The following CEP350 variants were observed in gnomAD, a reference collection of about 807,000 sequenced individuals.
The protein encoded by CEP350 is centrosomal protein 350.
CEP350 carries 126 observed loss-of-function variants against 331.8 expected under a neutral mutation model. The observed-to-expected ratio is 0.38, with a 90% CI of 0.33 to 0.44. The LOEUF is 0.44. Ranked by LOEUF, CEP350 falls within the 20% of genes least tolerant of loss-of-function variation. The pLI is 1.00. For missense variants in CEP350, 3,406 were observed against 3,634.6 expected, an observed-to-expected ratio of 0.94 and a Z score of 1.62; for synonymous variants, 1,200 against 1,259.5, an observed-to-expected ratio of 0.95 and a Z score of 1.00.
At position 180,078,644 on chromosome 1, in the gene CEP350, A is replaced by G. The variant is rs780126570; in HGVS notation, c.5949A>G (p.Glu1983=). 6.2e-5 allele frequency: 100 copies of G among 1,609,930 alleles called. 2 individuals carry two copies. The South Asian group carries it at 1.1e-3, about 17-fold the overall frequency. The change falls in exon 29 of 38, where the codon GAA becomes GAG. Residue 1983 remains glutamate, a synonymous_variant. Coordinates refer to ENST00000367607, the MANE Select transcript of CEP350 (RefSeq NM_014810.5). ...ILTEEMICSQ[E]LESSTSPSKH... The stretch of plus-strand genomic sequence containing the variant: ...CTGAAGAAATGATTTGTTCACAGGA[A>G]CTAGAATCTTCTACCTCTCCTAGTA...
chr1:179,964,473 G>C (rs578181385), intron 1 of CEP350, among the ~76,000 whole-genome samples: 4 of 151,910 alleles, frequency 2.6e-5, no homozygotes, highest in Non-Finnish European at 4.4e-5. Flanking sequence ...TTCTTTGTTT[G>C]TCTGGTATAA....
At position 180,110,997 on chromosome 1, in the gene CEP350, G is replaced by C. The variant is rs752719199; in HGVS notation, c.9190G>C (p.Val3064Leu). ...AACCTTATTGTCTTCTAAATCCTAG[G>C]TTCAGGAGCTCCATGAGGAGGAGGC... ...KKRDRVDHIL[V>L]QELHEEEAQW... is the part of the protein sequence containing the mutation. Residue 3064 changes from valine to leucine, a missense_variant and splice_region_variant, in exon 38 of 38, where the codon GTT (valine) becomes CTT (leucine). Physicochemically the swap from Val to Leu is conservative, Grantham distance 32 (BLOSUM62 1). Transcript: ENST00000367607. The C allele has an allele frequency of 2.4e-5, 38 of 1,613,420 alleles. No individual in the cohort carries two copies. The highest frequency in any genetic ancestry group is 2.7e-5 in the Non-Finnish European group (32 of 1,179,582).
At chr1:180,110,721 C>T (rs937788491) in intron 37 of CEP350, among the ~76,000 whole-genome samples, 2 of 152,136 alleles carry the variant, frequency 1.3e-5, no homozygotes, top group East Asian at 1.9e-4. Flanking sequence ...TATTCCCTTA[C>T]GTTGACATTG....
At chr1:180,047,854 G>A (rs549629276) in intron 21 of CEP350, among the ~76,000 whole-genome samples, 7 of 151,162 alleles carry the variant, frequency 4.6e-5, no homozygotes, top group African/African-American at 1.5e-4. Flanking sequence ...AAAGAAACAA[G>A]GAAAGCTTGT....
intron 19 of CEP350, 53 bp from the exon 20 acceptor site, chr1:180,043,003 C>T: frequency 6.4e-7 from 1 of 1,567,758 alleles, no homozygotes; most frequent in African/African-American, 1.4e-5. Flanking sequence ...CTTCTCAGTT[C>T]TCTGACCTTA....
chr1:180,039,061 A>G (rs145596949), intron 17 of CEP350, among the ~76,000 whole-genome samples: 273 of 150,694 alleles, frequency 1.8e-3, no homozygotes, highest in South Asian at 5.5e-3. Context: ...TACTATGAAT[A>G]CAAAAATTAG....
At chr1:180,058,565 AGGAGGAAGAGATTGGCAT>A (rs1489848328) in intron 25 of CEP350, among the ~76,000 whole-genome samples, 1 of 152,204 alleles carries the variant, frequency 6.6e-6, no homozygotes, top group African/African-American at 2.4e-5. Flanking sequence ...GAAGAGAGGA[AGGAGGAAGAGATTGGCAT>A]GGAGTTTGGT....
chr1:180,028,804 A>G (rs1164464230), intron 14 of CEP350, among the ~76,000 whole-genome samples: 1 of 151,030 alleles, frequency 6.6e-6, no homozygotes, highest in East Asian at 1.9e-4. Flanking sequence ...ACCTGTCTCA[A>G]AAAAAAAGAA....
intron 30 of CEP350, 43 bp from the exon 31 acceptor site, chr1:180,083,972 ATTC>A (rs1659713206): frequency 9.5e-7 from 1 of 1,051,112 alleles, no homozygotes; most frequent in Non-Finnish European, 1.3e-6. Flanking sequence ...AGTTAACATT[ATTC>A]TTAAGTCAAA....
Position 180,014,158 on chromosome 1 carries a change from G to T in CEP350, c.1705G>T (p.Val569Leu). The change falls in exon 10 of 38, where the codon GTA becomes TTA. Residue 569 changes from valine (V) to leucine (L), a missense_variant. Around this residue, in one of 5 missense-constraint regions of CEP350, gnomAD observed 1,857 missense variants for 1,909.2 expected, o/e 0.97. Coordinates refer to ENST00000367607, the MANE Select transcript of CEP350 (RefSeq NM_014810.5). ...ACATGCTCCTAGGAGTCACAGCCCA[G>T]TAAAAAGAAAACCTGACAAAATAAC... is the stretch of plus-strand genomic sequence containing the variant. ...PVHAPRSHSP[V>L]KRKPDKITAN... is the part of the protein sequence containing the mutation. The T allele has an allele frequency of 1.2e-6, 2 of 1,608,310 alleles. No homozygotes were observed. The highest frequency in any genetic ancestry group is 1.7e-6 in the Non-Finnish European group (2 of 1,177,302).
intron 16 of CEP350, among the ~76,000 whole-genome samples, chr1:180,036,639 T>C (rs1015687846): frequency 3.3e-5 from 5 of 152,236 alleles, no homozygotes; most frequent in African/African-American, 4.8e-5. Flanking sequence ...GTACTTTTTT[T>C]AGACATAATG....
intron 1 of CEP350, chr1:179,969,018 T>A (rs1171767867): frequency 1.3e-6 from 1 of 752,702 alleles, no homozygotes; most frequent in African/African-American, 1.7e-5. Context: ...TTGTGGTGGT[T>A]TGACCACCAG....
intron 6 of CEP350, among the ~76,000 whole-genome samples, chr1:180,002,283 G>C (rs1044189399): frequency 2.6e-5 from 4 of 152,142 alleles, no homozygotes; most frequent in African/African-American, 9.7e-5. Context: ...AGACCAACCT[G>C]GCCAACATGG....
intron 4 of CEP350, among the ~76,000 whole-genome samples, chr1:179,991,693 GTGTGTGTGTGTGTGTATATA>G (rs1653091517): frequency 1.6e-5 from 2 of 128,964 alleles, no homozygotes; most frequent in African/African-American, 5.7e-5. Context: ...GTGTGTGTGT[GTGTGTGTGTGTGTGTATATA>G]TATATATATA....
At chr1:179,978,959 T>A (rs1652075685) in intron 1 of CEP350, among the ~76,000 whole-genome samples, 1 of 152,154 alleles carries the variant, frequency 6.6e-6, no homozygotes. Flanking sequence ...TTTCTTCATC[T>A]CTTCATCTGT....
chr1:179,986,320 C>A, intron 2 of CEP350, 66 bp downstream of exon 2: 2 of 1,092,776 alleles, frequency 1.8e-6, no homozygotes, highest in Admixed American at 2.3e-5. Context: ...AAATTTTGGT[C>A]TAATAAATGA....
chr1:180,022,903 A>C, intron 13 of CEP350, 55 bp downstream of exon 13: 1 of 1,491,080 alleles, frequency 6.7e-7, no homozygotes, highest in Non-Finnish European at 9.1e-7. Flanking sequence ...AAATGTACAA[A>C]TGAGAACTCT....
At position 180,094,087 on chromosome 1, in the gene CEP350, T is replaced by C. The variant is rs1267618324; in HGVS notation, c.7982T>C (p.Ile2661Thr). The C allele has an allele frequency of 6.2e-7, 1 of 1,613,922 alleles. No individual in the cohort carries two copies. The highest frequency in any genetic ancestry group is 2.2e-5 in the East Asian group (1 of 44,876). The change falls in exon 34 of 38, where the codon ATT (isoleucine) becomes ACT (threonine). Residue 2661 changes from isoleucine to threonine, a missense_variant. Around this residue, in one of 5 missense-constraint regions of CEP350, gnomAD observed 1,415 missense variants for 1,512.3 expected, o/e 0.94. Coordinates refer to ENST00000367607, the MANE Select transcript of CEP350 (RefSeq NM_014810.5). ...CAGCAGTCTTCAGTGGATTCACAGA[T>C]TTCTTCAAAGGAAAACAAAGACCTC... ...VHQQSSVDSQ[I>T]SSKENKDLIS...
Position 179,987,719 on chromosome 1 carries a change from G to A in CEP350, c.120+433G>A, listed in dbSNP as rs74832059. Among the ~76,000 whole-genome samples, 1,312 of 151,802 alleles carry A rather than the reference G, an allele frequency of 8.6e-3. 17 individuals carry two copies. Among genetic ancestry groups the A allele is most frequent in the African/African-American group, 0.03 (1,240 of 41,380 alleles). On this transcript the variant is annotated intron_variant, in intron 3 of 37. Transcript: ENST00000367607. ...AGGTGGGTAGATAGCTTGAGCCCAG[G>A]AGTTTGAGATTAGCCTGGGCAACAT...
Sources: gnomAD v4.1 joint callset for allele counts (sites outside exome capture counted in the v4.1 genomes callset) on GRCh38, gnomAD v4.1.1 for gene constraint, gnomAD v4.1.1 regional missense constraint, MANE v1.5 for transcripts, NCBI Gene and HGNC (gene_info 2026-07-23, HGNC 2026-07-21) for gene names.